TMEM25: variants seen among roughly 807,000 people sequenced by gnomAD.
The protein encoded by TMEM25 is transmembrane protein 25, also known as 0610039J01Rik.
In TMEM25, 36 loss-of-function variants were observed where a neutral mutation model predicts 37.0. The observed-to-expected ratio is 0.97, with a 90% confidence interval of 0.75 to 1.28. The LOEUF is 1.28. Among genes scored for constraint, TMEM25 ranks in the 50% most tolerant of loss-of-function variants. The pLI, the probability that TMEM25 is intolerant of heterozygous loss-of-function variation, is 0.00. For synonymous variants in TMEM25, 197 were observed against 203.7 expected (o/e 0.97, Z 0.28); for missense variants, 444 against 477.9 (o/e 0.93, Z 0.66).
At chr11:118,544,631 C>T (rs1457388063) in intron 8 of TMEM25, 6 of 357,096 alleles carry the variant, frequency 1.7e-5, no homozygotes, top group Non-Finnish European at 3.0e-5. Flanking sequence ...TTTAAGCTTT[C>T]CTCCCAATCT....
chr11:118,539,164 A>ATTTTTTTTTTTTTTT (rs1160816224), downstream of TMEM25, among the ~76,000 whole-genome samples: 1 of 100,594 alleles, frequency 9.9e-6, no homozygotes, highest in African/African-American at 3.9e-5. Context: ...TTGGTCATAA[A>ATTTTTTTTTTTTTTT]TTTTTTTTTT....
chr11:118,535,484 CG>C lies in TMEM25; in HGVS notation c.*908del. 6.6e-7 allele frequency: 1 copy of C among 1,524,290 alleles called. No individual in the cohort carries two copies. The highest frequency in any genetic ancestry group is 8.8e-7 in the Non-Finnish European group (1 of 1,138,748). 94.4% of individuals were successfully genotyped at this position (1,524,290 alleles called of 1,614,324 possible). A position where few individuals can be genotyped will look rare whatever the true frequency, so the allele number is the denominator to read the frequency against. On this transcript the variant is annotated 3_prime_UTR_variant, in exon 9 of 9. Coordinates refer to ENST00000313236, the MANE Select transcript of TMEM25 (RefSeq NM_032780.4). Reference sequence around the variant, plus strand: ...ATTCACTGTGAGTGTCCTGAGCTCTCGGGGTTGATGGTTTTTCTCTCAGCAT... The same window carrying C: ...ATTCACTGTGAGTGTCCTGAGCTCTCGGGTTGATGGTTTTTCTCTCAGCAT...
chr11:118,531,894 A>T, intron 2 of TMEM25, 23 bp downstream of exon 2: 1 of 1,551,036 alleles, frequency 6.4e-7, no homozygotes, highest in South Asian at 1.2e-5. Flanking sequence ...TCAGTCGTTG[A>T]CCAAGTCCTT....
chr11:118,536,723 C>T (rs1951515108), downstream of TMEM25, among the ~76,000 whole-genome samples: 1 of 152,204 alleles, frequency 6.6e-6, no homozygotes, highest in Admixed American at 6.5e-5. Flanking sequence ...TGCTTCTTCC[C>T]ACCTCAGGAC....
chr11:118,534,022 C>G lies in TMEM25; in HGVS notation c.837-7C>G. ...CATATCCATCCCGAACTTTGTCCTCCCTGTAGTGACTCCAACAACCTAAAA... is the reference window on the plus strand; with the variant it reads ...CATATCCATCCCGAACTTTGTCCTCGCTGTAGTGACTCCAACAACCTAAAA... On this transcript the variant is annotated splice_polypyrimidine_tract_variant and splice_region_variant and intron_variant, in intron 6 of 8. Coordinates refer to ENST00000313236, the MANE Select transcript of TMEM25 (RefSeq NM_032780.4). The surrounding 1 kb of genome is among the most constrained non-coding windows in gnomAD (Gnocchi z 4.6). 6.2e-7 allele frequency: 1 copy of G among 1,614,056 alleles called. No homozygotes were observed. The highest frequency in any genetic ancestry group is 8.5e-7 in the Non-Finnish European group (1 of 1,179,992).
intron 8 of TMEM25, among the ~76,000 whole-genome samples, chr11:118,542,078 A>G (rs948442891): frequency 2.0e-5 from 3 of 152,166 alleles, no homozygotes; most frequent in Non-Finnish European, 4.4e-5. Flanking sequence ...ACTTACAAGT[A>G]AGAACATGCA....
chr11:118,536,040 T>C (rs183684631), downstream of TMEM25, among the ~76,000 whole-genome samples: 2 of 150,122 alleles, frequency 1.3e-5, no homozygotes, highest in African/African-American at 4.9e-5. Flanking sequence ...ACCACGCCCA[T>C]CTAATTTTTA....
exon 9 of TMEM25, chr11:118,546,410 G>A (rs535125287): frequency 2.2e-6 from 1 of 451,102 alleles, no homozygotes; most frequent in East Asian, 4.1e-5. Context: ...AGGACTGCTT[G>A]AGTCCAGCAG....
Position 118,531,759 on chromosome 11 carries a change from C to T in TMEM25, c.-27-16C>T, listed in dbSNP as rs1382293634. On this transcript the variant is annotated splice_polypyrimidine_tract_variant and intron_variant, in intron 1 of 8. Coordinates refer to ENST00000313236, the MANE Select transcript of TMEM25 (RefSeq NM_032780.4). ...CCTGCTGTCACCTGGCTGACAGGCCCGCCCCCTTCTCTCAGCAGCCTAGGG... is the reference window on the plus strand; with the variant it reads ...CCTGCTGTCACCTGGCTGACAGGCCTGCCCCCTTCTCTCAGCAGCCTAGGG... The T allele has an allele frequency of 3.3e-6, 5 of 1,524,098 alleles. No homozygotes were observed. The highest frequency in any genetic ancestry group is 2.1e-5 in the Admixed American group (1 of 47,548). 94.4% of individuals were successfully genotyped at this position (1,524,098 alleles called of 1,614,324 possible).
Position 118,532,316 on chromosome 11 carries a change from G to A in TMEM25, c.237G>A (p.Leu79=). The A allele has an allele frequency of 1.1e-5, 17 of 1,614,214 alleles. No homozygotes were observed. The highest frequency in any genetic ancestry group is 1.4e-5 in the Non-Finnish European group (17 of 1,180,032). The change falls in exon 3 of 9, where the codon CTG becomes CTA. Residue 79 remains leucine (L), a synonymous_variant. Transcript: ENST00000313236. ...TGCAGGAGGCCAGCACCTCAAGACT[G>A]CTGAGCGTGGGAGGGGAGGCCTTCT... ...GQLQEASTSR[L]LSVGGEAFSG...
At chr11:118,544,973 A>C in intron 8 of TMEM25, 1 of 1,613,816 alleles carries the variant, frequency 6.2e-7, no homozygotes, top group South Asian at 1.1e-5. Context: ...TGGATGAAGG[A>C]GTGAATGCTT....
chr11:118,546,652 A>T (rs1309726500), downstream of TMEM25: 1 of 156,886 alleles, frequency 6.4e-6, no homozygotes, highest in Admixed American at 6.1e-5. Context: ...ATAATACAAC[A>T]TGCTATTTTT....
At chr11:118,533,256 G>A (rs781860440) in intron 4 of TMEM25, 49 bp downstream of exon 4, 5 of 1,558,504 alleles carry the variant, frequency 3.2e-6, no homozygotes, top group Non-Finnish European at 4.3e-6. Context: ...TGGGCTCAGG[G>A]GTCCCGTCCC....
Position 118,535,518 on chromosome 11 carries a change from C to T in TMEM25, c.*938C>T, listed in dbSNP as rs1185922413. On this transcript the variant is annotated 3_prime_UTR_variant, in exon 9 of 9. Coordinates refer to ENST00000313236, the MANE Select transcript of TMEM25 (RefSeq NM_032780.4). ...TGGTTTTTCTCTCAGCATGTCTCCT[C>T]CACCACGGGACCCCAGCCCTGACCA... is the stretch of plus-strand genomic sequence containing the variant. The T allele has an allele frequency of 1.3e-6, 2 of 1,533,758 alleles. No homozygotes were observed. The highest frequency in any genetic ancestry group is 1.7e-6 in the Non-Finnish European group (2 of 1,145,444).
chr11:118,543,086 A>T (rs1182648416), intron 8 of TMEM25, among the ~76,000 whole-genome samples: 3 of 150,620 alleles, frequency 2.0e-5, no homozygotes, highest in African/African-American at 7.3e-5. Flanking sequence ...CTGAAAATAC[A>T]AAACAAATTA....
chr11:118,535,422 G>A lies in TMEM25; in HGVS notation c.*842G>A, dbSNP rs151048739. On this transcript the variant is annotated 3_prime_UTR_variant, in exon 9 of 9. Transcript: ENST00000313236. ...GGAGGGGGTGAGTGAGGGGCCCAGA[G>A]CCCTCTTTGTGGCTTCCCCACGTTT... 4.0e-4 allele frequency: 586 copies of A among 1,464,974 alleles called. 5 individuals carry two copies. The South Asian group carries it at 5.7e-3, about 14-fold the overall frequency. 90.7% of individuals were successfully genotyped at this position (1,464,974 alleles called of 1,614,324 possible).
chr11:118,534,538 C>T lies in TMEM25; in HGVS notation c.1059C>T (p.Ile353=). The T allele has an allele frequency of 6.2e-7, 1 of 1,614,244 alleles. No homozygotes were observed. The highest frequency in any genetic ancestry group is 8.5e-7 in the Non-Finnish European group (1 of 1,180,046). ...TCCGCCTCCCAGTGCTGGGCTATAT[C>T]TATCGAGTGTCCAGCGTGAGCAGTG... The part of the protein sequence containing the change: ...GFIRLPVLGY[I]YRVSSVSSDE... Residue 353 remains isoleucine (I), a synonymous_variant, in exon 9 of 9, where the codon ATC becomes ATT. Coordinates refer to ENST00000313236, the MANE Select transcript of TMEM25 (RefSeq NM_032780.4). This position sits in a 1 kb window ranked among gnomAD's most constrained non-coding sequence, Gnocchi z 4.6.
downstream of TMEM25, among the ~76,000 whole-genome samples, chr11:118,536,890 CGT>C (rs782323466): frequency 6.6e-6 from 1 of 152,026 alleles, no homozygotes; most frequent in African/African-American, 2.4e-5. Flanking sequence ...CAAGAGAGCA[CGT>C]GTGTGTGTGT....
At chr11:118,543,104 G>A (rs1226370869) in intron 8 of TMEM25, among the ~76,000 whole-genome samples, 1 of 152,072 alleles carries the variant, frequency 6.6e-6, no homozygotes, top group African/African-American at 2.4e-5. Flanking sequence ...TTAGCCGGGT[G>A]TAGTGGTGCA....
Sources: gnomAD v4.1 joint callset for allele counts (sites outside exome capture counted in the v4.1 genomes callset) on GRCh38, gnomAD v4.1.1 for gene constraint, Gnocchi (gnomAD v3.1) non-coding constraint, MANE v1.5 for transcripts, NCBI Gene and HGNC (gene_info 2026-07-23, HGNC 2026-07-21) for gene names.